ARHGAP15: variants seen among roughly 807,000 people sequenced by gnomAD.
The protein encoded by ARHGAP15 is Rho GTPase activating protein 15.
Under a neutral mutation model 63.7 loss-of-function variants are expected in ARHGAP15, and 51 were observed. The observed-to-expected ratio is 0.80, with a 90% CI of 0.64 to 1.01. ARHGAP15 has a LOEUF of 1.01. ARHGAP15 is among the 50% of genes least tolerant of loss of function. The probability of loss-of-function intolerance (pLI) is 0.00; values close to 1 mark genes in which losing one functional copy is unlikely to be tolerated. For missense variants in ARHGAP15, 560 were observed against 564.6 expected (o/e 0.99, Z 0.08); for synonymous variants, 191 against 193.8 (o/e 0.99, Z 0.12).
intron 1 of ARHGAP15, among the ~76,000 whole-genome samples, chr2:143,155,133 G>T (rs1309341912): frequency 2.0e-5 from 3 of 151,874 alleles, no homozygotes; most frequent in African/African-American, 7.2e-5. Flanking sequence ...GGATTAAAAA[G>T]CATATATCCT....
chr2:143,430,035 T>A (rs1689313284), intron 6 of ARHGAP15, among the ~76,000 whole-genome samples: 3 of 152,160 alleles, frequency 2.0e-5, no homozygotes, highest in Admixed American at 2.0e-4. Flanking sequence ...GGCTTGTTCC[T>A]CATACAACTT....
chr2:143,402,945 ATTC>A (rs1036489089), intron 6 of ARHGAP15, among the ~76,000 whole-genome samples: 3 of 151,914 alleles, frequency 2.0e-5, no homozygotes, highest in African/African-American at 7.2e-5. Context: ...AGAAGAATAT[ATTC>A]TTAAGTCATC....
At chr2:143,660,221 T>G (rs1286160852) in intron 12 of ARHGAP15, among the ~76,000 whole-genome samples, 1 of 152,210 alleles carries the variant, frequency 6.6e-6, no homozygotes, top group East Asian at 1.9e-4. Flanking sequence ...TTTTTTAAAT[T>G]GTATCAATAC....
chr2:143,148,898 A>G (rs1162403426), intron 1 of ARHGAP15, among the ~76,000 whole-genome samples: 1 of 152,040 alleles, frequency 6.6e-6, no homozygotes, highest in African/African-American at 2.4e-5. Flanking sequence ...CTGAAATTAA[A>G]ATGCTATTTT....
At chr2:143,235,394 A>C (rs1458353466) in intron 5 of ARHGAP15, among the ~76,000 whole-genome samples, 1 of 152,116 alleles carries the variant, frequency 6.6e-6, no homozygotes, top group Non-Finnish European at 1.5e-5. Flanking sequence ...CAATGGCATA[A>C]AACTGAGAAT....
chr2:143,330,118 A>C (rs866046869), intron 6 of ARHGAP15, among the ~76,000 whole-genome samples: 694 of 60,590 alleles, frequency 0.011, 38 homozygotes, highest in Non-Finnish European at 0.015. Context: ...AAAAAAAAAA[A>C]AAAAAAAAAA....
At chr2:143,724,837 A>G (rs1316478320) in intron 13 of ARHGAP15, among the ~76,000 whole-genome samples, 2 of 152,260 alleles carry the variant, frequency 1.3e-5, no homozygotes, top group African/African-American at 2.4e-5. Context: ...CAGCATTATA[A>G]GAGTCTGAAG....
chr2:143,233,876 C>G (rs1181094164), intron 5 of ARHGAP15, among the ~76,000 whole-genome samples: 1 of 152,016 alleles, frequency 6.6e-6, no homozygotes, highest in African/African-American at 2.4e-5. Context: ...AATTCCTGAC[C>G]TCAAGTGCTC....
At chr2:143,713,979 G>A (rs1684698889) in intron 13 of ARHGAP15, among the ~76,000 whole-genome samples, 1 of 152,156 alleles carries the variant, frequency 6.6e-6, no homozygotes, top group Non-Finnish European at 1.5e-5. Context: ...TACCATTCTG[G>A]GGTCTGGAGG....
At position 143,186,878 on chromosome 2, in the gene ARHGAP15, G is replaced by A. The variant is rs1187246797; in HGVS notation, c.166-15256G>A. On this transcript the variant is annotated intron_variant, in intron 2 of 13. Coordinates refer to ENST00000295095, the MANE Select transcript of ARHGAP15 (RefSeq NM_018460.4). ...CTTTAGTCTTCCAAGGGGAACATTAGTGAGAGAGTTATTTTTAAAAAATTA... is the reference window on the plus strand; with the variant it reads ...CTTTAGTCTTCCAAGGGGAACATTAATGAGAGAGTTATTTTTAAAAAATTA... Among the ~76,000 whole-genome samples the A allele has an allele frequency of 2.6e-5, 4 of 152,350 alleles. No individual in the cohort carries two copies. In the South Asian group the frequency reaches 6.2e-4, roughly 24 times the overall value.
chr2:143,673,781 T>TATATATATATAG (rs1339149290), intron 12 of ARHGAP15, among the ~76,000 whole-genome samples: 6 of 120,348 alleles, frequency 5.0e-5, no homozygotes, highest in Admixed American at 3.8e-4. Flanking sequence ...TATATATATA[T>TATATATATATAG]ATAAACAACT....
intron 8 of ARHGAP15, among the ~76,000 whole-genome samples, chr2:143,444,861 A>C (rs942855571): frequency 6.6e-6 from 1 of 152,206 alleles, no homozygotes; most frequent in Non-Finnish European, 1.5e-5. Flanking sequence ...GATCTGTAAC[A>C]TTAGGATTCC....
intron 6 of ARHGAP15, among the ~76,000 whole-genome samples, chr2:143,382,501 T>C (rs1246663372): frequency 6.6e-6 from 1 of 152,156 alleles, no homozygotes; most frequent in Non-Finnish European, 1.5e-5. Flanking sequence ...ATTTCCCTTT[T>C]GGTAAGGACA....
At chr2:143,539,066 T>C (rs1694915869) in intron 10 of ARHGAP15, among the ~76,000 whole-genome samples, 1 of 152,234 alleles carries the variant, frequency 6.6e-6, no homozygotes, top group African/African-American at 2.4e-5. Context: ...AGCCTGTTAT[T>C]GGTCTATTCA....
intron 6 of ARHGAP15, among the ~76,000 whole-genome samples, chr2:143,280,306 G>C (rs1681777554): frequency 6.6e-6 from 1 of 152,050 alleles, no homozygotes; most frequent in Admixed American, 6.6e-5. Flanking sequence ...AACTCAATAG[G>C]AGCAAGAAAG....
intron 6 of ARHGAP15, among the ~76,000 whole-genome samples, chr2:143,348,442 G>A (rs1377938572): frequency 6.6e-6 from 1 of 151,704 alleles, no homozygotes. Context: ...CTGAAAAATT[G>A]CACTTGCCTA....
chr2:143,511,818 A>G (rs950719633), intron 9 of ARHGAP15, among the ~76,000 whole-genome samples: 1 of 152,224 alleles, frequency 6.6e-6, no homozygotes, highest in Non-Finnish European at 1.5e-5. Flanking sequence ...TAGATTTACA[A>G]ATGGAGAGCA....
chr2:143,709,813 T>C (rs1318197048), intron 13 of ARHGAP15, among the ~76,000 whole-genome samples: 3 of 152,238 alleles, frequency 2.0e-5, no homozygotes, highest in African/African-American at 7.2e-5. Flanking sequence ...GTCCACCCTG[T>C]CTTTAAAATG....
At chr2:143,336,912 C>A (rs1369542564) in intron 6 of ARHGAP15, among the ~76,000 whole-genome samples, 2 of 152,014 alleles carry the variant, frequency 1.3e-5, no homozygotes, top group African/African-American at 4.8e-5. Flanking sequence ...ACTGGGAAAA[C>A]AGTGGTGATC....
Sources: allele counts gnomAD v4.1 joint callset (sites outside exome capture counted in the v4.1 genomes callset), GRCh38; gene constraint gnomAD v4.1.1; transcripts MANE v1.5; gene names NCBI Gene and HGNC (gene_info 2026-07-23, HGNC 2026-07-21).